The following PIGK variants were observed in gnomAD, a reference collection of about 807,000 sequenced individuals.
PIGK encodes the protein GPI-anchor transamidase.
PIGK carries 42 observed loss-of-function variants against 50.6 expected under a neutral mutation model. That is an observed-to-expected ratio of 0.83 (90% CI 0.65 to 1.07). PIGK has a LOEUF of 1.07. PIGK is among the 50% of genes least tolerant of loss of function. The pLI is 0.00. For synonymous variants in PIGK, 151 were observed against 156.0 expected, an observed-to-expected ratio of 0.97 and a Z score of 0.24; for missense variants, 448 against 488.7, an observed-to-expected ratio of 0.92 and a Z score of 0.78.
At chr1:77,116,229 G>A (rs1466939810) in intron 10 of PIGK, among the ~76,000 whole-genome samples, 2 of 151,882 alleles carry the variant, frequency 1.3e-5, no homozygotes, top group Non-Finnish European at 2.9e-5. Flanking sequence ...TGTCGCCCAG[G>A]CTGGAGAGCA....
At chr1:77,178,044 T>C (rs575000253) in intron 3 of PIGK, among the ~76,000 whole-genome samples, 1 of 152,338 alleles carries the variant, frequency 6.6e-6, no homozygotes, top group African/African-American at 2.4e-5. Context: ...TTTCCTTGTT[T>C]ATGCCTCTAT....
At chr1:77,134,934 A>AT (rs1387934443) in intron 9 of PIGK, among the ~76,000 whole-genome samples, 1 of 152,120 alleles carries the variant, frequency 6.6e-6, no homozygotes, top group African/African-American at 2.4e-5. Context: ...GTTTTAAACA[A>AT]TTCTTTTTTA....
chr1:77,173,695 T>A (rs1014929173), intron 3 of PIGK, among the ~76,000 whole-genome samples: 3 of 152,240 alleles, frequency 2.0e-5, no homozygotes, highest in African/African-American at 7.2e-5. Context: ...GGTGTCCTTG[T>A]CTTTCTGTAT....
At chr1:77,199,942 A>G (rs1656122950) in intron 3 of PIGK, among the ~76,000 whole-genome samples, 3 of 152,174 alleles carry the variant, frequency 2.0e-5, no homozygotes, top group African/African-American at 7.2e-5. Flanking sequence ...ATTAAATTCT[A>G]GGTGTGCTAA....
rs1653253239 is a variant in PIGK, at chr1:77,089,577, CAATA to C, written c.*2793_*2796del. On this transcript the variant is annotated 3_prime_UTR_variant, in exon 11 of 11. Transcript: ENST00000370812. ...ACATACATAATGGAAGAAATGTTAT[CAATA>C]TATACCATAGTAGAAAATACTCAGT... The C allele has an allele frequency of 6.6e-6, 1 of 152,514 alleles. No individual in the cohort carries two copies. The highest frequency in any genetic ancestry group is 2.4e-5 in the African/African-American group (1 of 41,400). The allele number at this position is 152,514 out of a possible 1,614,324, so 9.4% of individuals were successfully genotyped here. A position where few individuals can be genotyped will look rare whatever the true frequency, so the allele number is the denominator to read the frequency against.
intron 3 of PIGK, among the ~76,000 whole-genome samples, chr1:77,177,122 C>G (rs1410855598): frequency 6.6e-6 from 1 of 152,170 alleles, no homozygotes; most frequent in East Asian, 1.9e-4. Flanking sequence ...TAAAAGCTCT[C>G]CCATCCAAGT....
At position 77,154,523 on chromosome 1, in the gene PIGK, A is replaced by G. The variant is rs774899688; in HGVS notation, c.912T>C (p.Phe304=). Residue 304 remains phenylalanine, a synonymous_variant, in exon 9 of 11, where the codon TTT becomes TTC. Transcript: ENST00000370812. The part of the protein sequence containing the change: ...DPKNVLITDF[F]GSVRKVEITT... ...TAATTTCCACTTTCCGTACACTTCC[A>G]AAGAAATCAGTTATCAGTACATTTT... 9.7e-5 allele frequency: 157 copies of G among 1,611,774 alleles called. No homozygotes were observed. The highest frequency in any genetic ancestry group is 1.3e-4 in the Non-Finnish European group (156 of 1,178,178).
chr1:77,099,733 G>A (rs1653500172), intron 10 of PIGK, among the ~76,000 whole-genome samples: 2 of 152,110 alleles, frequency 1.3e-5, no homozygotes, highest in Admixed American at 6.6e-5. Context: ...CAGTATAACT[G>A]CATTTGAGGT....
At chr1:77,102,536 G>A (rs549157448) in intron 10 of PIGK, among the ~76,000 whole-genome samples, 2 of 152,262 alleles carry the variant, frequency 1.3e-5, no homozygotes, top group South Asian at 4.1e-4. Flanking sequence ...ATGAGCCATA[G>A]GATGTGGGTG....
chr1:77,110,291 C>T (rs574830291), intron 10 of PIGK, among the ~76,000 whole-genome samples: 4 of 152,188 alleles, frequency 2.6e-5, no homozygotes, highest in East Asian at 3.9e-4. Context: ...AAAAAGAGCC[C>T]GCATTGCCAA....
At chr1:77,162,539 G>A (rs530412194) in intron 6 of PIGK, among the ~76,000 whole-genome samples, 9 of 152,218 alleles carry the variant, frequency 5.9e-5, no homozygotes, top group African/African-American at 2.2e-4. Flanking sequence ...CTATAAGTTT[G>A]GAGAAACCAT....
chr1:77,130,282 T>G (rs1654340248), intron 9 of PIGK, among the ~76,000 whole-genome samples: 1 of 101,972 alleles, frequency 9.8e-6, no homozygotes, highest in Non-Finnish European at 1.8e-5. Context: ...TGTGACACCT[T>G]TCCCTACTCC....
intron 3 of PIGK, among the ~76,000 whole-genome samples, chr1:77,198,481 A>G (rs1656085022): frequency 6.6e-6 from 1 of 152,038 alleles, no homozygotes; most frequent in South Asian, 2.1e-4. Flanking sequence ...TGAAAGGATG[A>G]AAACTCATTG....
chr1:77,111,501 G>T (rs1001742081), intron 10 of PIGK, among the ~76,000 whole-genome samples: 39 of 151,138 alleles, frequency 2.6e-4, no homozygotes, highest in Non-Finnish European at 4.9e-4. Flanking sequence ...GCAAACTATC[G>T]CAAGGACAAA....
At chr1:77,125,630 G>A (rs756002302) in intron 9 of PIGK, among the ~76,000 whole-genome samples, 4 of 151,942 alleles carry the variant, frequency 2.6e-5, no homozygotes, top group Non-Finnish European at 5.9e-5. Context: ...TGGCTTAGAA[G>A]CTCAGGCAGC....
chr1:77,119,079 G>A (rs930010427), intron 10 of PIGK, among the ~76,000 whole-genome samples: 1 of 151,992 alleles, frequency 6.6e-6, no homozygotes, highest in African/African-American at 2.4e-5. Context: ...TTACAGCTGC[G>A]TTAGGCTAAT....
At chr1:77,174,848 C>T (rs561018746) in intron 3 of PIGK, among the ~76,000 whole-genome samples, 96 of 151,202 alleles carry the variant, frequency 6.3e-4, no homozygotes, top group African/African-American at 2.2e-3. Context: ...CCAAGGACTC[C>T]ACTCTAAAGC....
At chr1:77,183,212 T>A (rs1655660914) in intron 3 of PIGK, among the ~76,000 whole-genome samples, 1 of 152,148 alleles carries the variant, frequency 6.6e-6, no homozygotes, top group Admixed American at 6.6e-5. Flanking sequence ...AATGGGAACA[T>A]ATGGAGGACC....
At position 77,098,311 on chromosome 1, in the gene PIGK, G is replaced by A. The variant is rs547160006; in HGVS notation, c.1072-5821C>T. Among the ~76,000 whole-genome samples the A allele has an allele frequency of 5.9e-5, 9 of 152,144 alleles. No individual in the cohort carries two copies. In the South Asian group the frequency reaches 1.9e-3, roughly 32 times the overall value. On this transcript the variant is annotated intron_variant, in intron 10 of 10. Transcript: ENST00000370812. ...CTATTAATAAGCCTAAAGGCAGTGA[G>A]TGAAAATAAAGAGAAGGTGGAGGAA...
Sources: allele counts gnomAD v4.1 joint callset (sites outside exome capture counted in the v4.1 genomes callset), GRCh38; gene constraint gnomAD v4.1.1; transcripts MANE v1.5; gene names NCBI Gene and HGNC (gene_info 2026-07-23, HGNC 2026-07-21).